Variants in SLCO3A1 observed in about 807,000 individuals in gnomAD.
SLCO3A1 encodes solute carrier organic anion transporter family member 3A1, also known as PGE1 transporter.
Under a neutral mutation model 63.1 loss-of-function variants are expected in SLCO3A1, and 27 were observed. The ratio of observed to expected loss-of-function variants is 0.43; its 90% CI spans 0.32 to 0.59. The LOEUF is 0.59. Ranked by LOEUF, SLCO3A1 falls within the 20% of genes least tolerant of loss-of-function variation. The pLI is 0.09. For synonymous variants in SLCO3A1, 473 were observed against 409.9 expected, an observed-to-expected ratio of 1.15 and a Z score of -1.86; for missense variants, 773 against 945.8, an observed-to-expected ratio of 0.82 and a Z score of 2.40.
rs939833264 is a variant in SLCO3A1, at chr15:91,859,729, T to A, written c.180+5641T>A. Among the ~76,000 whole-genome samples the A allele has an allele frequency of 6.6e-6, 1 of 152,208 alleles. No individual in the cohort carries two copies. The highest frequency in any genetic ancestry group is 2.4e-5 in the African/African-American group (1 of 41,460). ...TGTGAGGATGAACTGAGTCAGTACATGTAAAGCACCTTGAACAATATCTGG... is the reference window on the plus strand; with the variant it reads ...TGTGAGGATGAACTGAGTCAGTACAAGTAAAGCACCTTGAACAATATCTGG... On this transcript the variant is annotated intron_variant, in intron 1 of 9. Coordinates refer to ENST00000318445, the MANE Select transcript of SLCO3A1 (RefSeq NM_013272.4). This position sits in a 1 kb window ranked among gnomAD's most constrained non-coding sequence, Gnocchi z 5.1.
intron 2 of SLCO3A1, among the ~76,000 whole-genome samples, chr15:91,923,034 CTG>C (rs1175745879): frequency 6.6e-6 from 1 of 152,014 alleles, no homozygotes; most frequent in Non-Finnish European, 1.5e-5. Flanking sequence ...GGACAAGACT[CTG>C]TGGGCTCTGG....
In SLCO3A1 at chr15:91,967,508, C is replaced by T. The variant is rs995929159; in HGVS notation, c.646+51050C>T. ...CACCTCTCCTGTAGGACTGAGGTGCCGTTGTGGGGACATAACGCAGAAGCG... is the reference window on the plus strand; with the variant it reads ...CACCTCTCCTGTAGGACTGAGGTGCTGTTGTGGGGACATAACGCAGAAGCG... On this transcript the variant is annotated intron_variant, in intron 2 of 9. Coordinates refer to ENST00000318445, the MANE Select transcript of SLCO3A1 (RefSeq NM_013272.4). The surrounding 1 kb of genome is among the most constrained non-coding windows in gnomAD (Gnocchi z 4.4). Among the ~76,000 whole-genome samples the T allele has an allele frequency of 2.6e-5, 4 of 152,100 alleles. No individual in the cohort carries two copies. The highest frequency in any genetic ancestry group is 4.4e-5 in the Non-Finnish European group (3 of 68,000).
At chr15:92,134,784 A>G (rs1318452674) in intron 7 of SLCO3A1, among the ~76,000 whole-genome samples, 1 of 152,180 alleles carries the variant, frequency 6.6e-6, no homozygotes, top group Non-Finnish European at 1.5e-5. Flanking sequence ...ATTAAAGGTT[A>G]GGTGGTTAGG....
At chr15:91,972,060 G>A (rs1764523074) in intron 2 of SLCO3A1, among the ~76,000 whole-genome samples, 1 of 152,100 alleles carries the variant, frequency 6.6e-6, no homozygotes, top group Non-Finnish European at 1.5e-5. Flanking sequence ...TGGATTTTTG[G>A]ATGAGGGATG....
intron 2 of SLCO3A1, among the ~76,000 whole-genome samples, chr15:91,926,602 CGCGCACG>C: frequency 2.9e-5 from 1 of 34,918 alleles, no homozygotes; most frequent in East Asian, 2.2e-3. Flanking sequence ...TGTGTGCGCG[CGCGCACG>C]CCCATGCTTA....
chr15:92,060,718 T>G (rs2047077208), intron 2 of SLCO3A1, among the ~76,000 whole-genome samples: 1 of 152,150 alleles, frequency 6.6e-6, no homozygotes, highest in South Asian at 2.1e-4. Flanking sequence ...CGGGCTGGTT[T>G]TGAACTCCTG....
chr15:91,876,814 G>T (rs918882967), intron 1 of SLCO3A1, among the ~76,000 whole-genome samples: 1 of 152,220 alleles, frequency 6.6e-6, no homozygotes, highest in Non-Finnish European at 1.5e-5. Flanking sequence ...GCTCTTCTCT[G>T]CTGTCCAGCA....
Position 92,102,479 on chromosome 15 carries a change from G to A in SLCO3A1, c.746-1800G>A, listed in dbSNP as rs146522642. 1.1e-3 allele frequency among the ~76,000 whole-genome samples: 160 copies of A among 152,288 alleles called. 4 individuals are homozygous for A. In the East Asian group the frequency reaches 0.029, roughly 28 times the overall value. On this transcript the variant is annotated intron_variant, in intron 3 of 9. Transcript: ENST00000318445. ...CCTGTCATCCTTGCAACCACTCTAGGTTGAAGCTGTCTTTATTTTGCAAAT... is the reference window on the plus strand; with the variant it reads ...CCTGTCATCCTTGCAACCACTCTAGATTGAAGCTGTCTTTATTTTGCAAAT...
chr15:91,935,668 A>G (rs1331675569), intron 2 of SLCO3A1, among the ~76,000 whole-genome samples: 2 of 152,142 alleles, frequency 1.3e-5, no homozygotes, highest in African/African-American at 2.4e-5. Context: ...AGTGGATGGG[A>G]GAGAGAAGGG....
At chr15:92,171,959 CGA>C in exon 11 of SLCO3A1, 2 of 875,708 alleles carry the variant, frequency 2.3e-6, no homozygotes, top group Non-Finnish European at 3.7e-6. Context: ...TCCGAGAACC[CGA>C]GGGTCCCCAT....
chr15:91,928,812 T>C lies in SLCO3A1; in HGVS notation c.646+12354T>C, dbSNP rs572628328. On this transcript the variant is annotated intron_variant, in intron 2 of 9. Coordinates refer to ENST00000318445, the MANE Select transcript of SLCO3A1 (RefSeq NM_013272.4). The stretch of plus-strand genomic sequence containing the variant: ...GTGAGTTGTTTTCAAAATCTCCTTG[T>C]AGTAAAGTGAGAGAAGCTCACTCAC... Among the ~76,000 whole-genome samples, 4 of 152,366 alleles carry C rather than the reference T, an allele frequency of 2.6e-5. No individual in the cohort carries two copies. The East Asian group carries it at 7.7e-4, about 29-fold the overall frequency.
chr15:92,120,599 C>A lies in SLCO3A1; in HGVS notation c.1144C>A (p.Leu382Ile). 1 of 1,613,884 alleles carries A rather than the reference C, an allele frequency of 6.2e-7. No individual in the cohort carries two copies. Among genetic ancestry groups the A allele is most frequent in the Non-Finnish European group, 8.5e-7 (1 of 1,179,970 alleles). The change falls in exon 5 of 10, where the codon CTC (leucine) becomes ATC (isoleucine). Residue 382 changes from leucine to isoleucine, a missense_variant. Coordinates refer to ENST00000318445, the MANE Select transcript of SLCO3A1 (RefSeq NM_013272.4). ...LGKYLEQQFN[L>I]TTSSANQLLG... ...GAAGTACCTGGAGCAGCAGTTTAAC[C>A]TCACCACCTCTTCTGCCAACCAGCT... is the stretch of plus-strand genomic sequence containing the variant.
At chr15:92,168,964 A>G (rs1359822901), downstream of SLCO3A1, among the ~76,000 whole-genome samples, 1 of 152,240 alleles carries the variant, frequency 6.6e-6, no homozygotes, top group African/African-American at 2.4e-5. Context: ...GATTCCAGAT[A>G]CCAAAGAGTA....
At position 91,948,821 on chromosome 15, in the gene SLCO3A1, T is replaced by A. The variant is rs1014742483; in HGVS notation, c.646+32363T>A. Among the ~76,000 whole-genome samples, 13 of 152,172 alleles carry A rather than the reference T, an allele frequency of 8.5e-5. No individual in the cohort carries two copies. The highest frequency in any genetic ancestry group is 1.5e-4 in the Non-Finnish European group (10 of 68,028). ...CCCCAAAGATATTCTGGGTGGCATG[T>A]GCCAGCCTCCTTGCCAAGTGTCTCA... On this transcript the variant is annotated intron_variant, in intron 2 of 9. Transcript: ENST00000318445. The surrounding 1 kb of genome is among the most constrained non-coding windows in gnomAD (Gnocchi z 4.8).
rs2048485849 is a variant in SLCO3A1, at chr15:92,165,428, G to T, written c.*2293G>T. 1 of 985,076 alleles carries T rather than the reference G, an allele frequency of 1.0e-6. No individual in the cohort carries two copies. Among genetic ancestry groups the T allele is most frequent in the Non-Finnish European group, 1.2e-6 (1 of 829,816 alleles). The allele number at this position is 985,076 out of a possible 1,614,324, so 61.0% of individuals were successfully genotyped here. On this transcript the variant is annotated 3_prime_UTR_variant, in exon 10 of 10. Coordinates refer to ENST00000318445, the MANE Select transcript of SLCO3A1 (RefSeq NM_013272.4). ...TAATAGGTCACTCTTATAGATTATT[G>T]CTTGGCCCTTCAAACTCAGTACACA...
chr15:92,039,665 C>T (rs1174217623), intron 2 of SLCO3A1, among the ~76,000 whole-genome samples: 11 of 152,128 alleles, frequency 7.2e-5, no homozygotes, highest in Non-Finnish European at 4.4e-5. Context: ...GGCGATTCCT[C>T]AAGGTTCTAG....
rs776005644 is a variant in SLCO3A1 at position 91,915,987 on chromosome 15, C to A, written c.181-6C>A. On this transcript the variant is annotated splice_polypyrimidine_tract_variant and splice_region_variant and intron_variant, in intron 1 of 9. Transcript: ENST00000318445. ...TGGCTCTGACCTTTCTTCTTGCCCC[C>A]CTCAGGTGAGCGTCCTGACCACCCT... is the stretch of plus-strand genomic sequence containing the variant. 17 of 1,608,726 alleles carry A rather than the reference C, an allele frequency of 1.1e-5. No individual in the cohort carries two copies. The Admixed American group carries it at 1.2e-4, about 11-fold the overall frequency.
At chr15:91,932,832 G>A (rs138530038) in intron 2 of SLCO3A1, among the ~76,000 whole-genome samples, 2 of 152,282 alleles carry the variant, frequency 1.3e-5, no homozygotes, top group African/African-American at 4.8e-5. Flanking sequence ...TCAGCTTCAG[G>A]TTTCATTTCT....
chr15:91,912,634 G>A lies in SLCO3A1; in HGVS notation c.181-3359G>A, dbSNP rs909118660. ...GGAGCAGTTGTCATGTTTCAGATTT[G>A]TTGTCTTGTGTGTATGTCATGAGGC... On this transcript the variant is annotated intron_variant, in intron 1 of 9. Coordinates refer to ENST00000318445, the MANE Select transcript of SLCO3A1 (RefSeq NM_013272.4). This position sits in a 1 kb window ranked among gnomAD's most constrained non-coding sequence, Gnocchi z 5.0. Among the ~76,000 whole-genome samples, 9 of 152,188 alleles carry A rather than the reference G, an allele frequency of 5.9e-5. No individual in the cohort carries two copies. Among genetic ancestry groups the A allele is most frequent in the Non-Finnish European group, 1.3e-4 (9 of 68,030 alleles).
Sources: gnomAD v4.1 joint callset for allele counts (sites outside exome capture counted in the v4.1 genomes callset) on GRCh38, gnomAD v4.1.1 for gene constraint, Gnocchi (gnomAD v3.1) non-coding constraint, MANE v1.5 for transcripts, NCBI Gene and HGNC (gene_info 2026-07-23, HGNC 2026-07-21) for gene names.